Variants in ZNF438 observed in about 807,000 individuals in gnomAD.
ZNF438 encodes zinc finger protein 438.
Under a neutral mutation model 38.0 loss-of-function variants are expected in ZNF438, and 25 were observed. That is an observed-to-expected ratio of 0.66 (90% CI 0.48 to 0.92). The LOEUF is 0.92. ZNF438 is among the 40% of genes least tolerant of loss of function. ZNF438 has a pLI of 0.00. For missense variants in ZNF438, 1,007 were observed against 999.6 expected (o/e 1.01, Z -0.10); for synonymous variants, 372 against 364.1 (o/e 1.02, Z -0.25).
chr10:30,848,702 C>G, exon 5 of ZNF438: 1 of 1,614,246 alleles, frequency 6.2e-7, no homozygotes, highest in Non-Finnish European at 8.5e-7. Flanking sequence ...AAACTCACAA[C>G]ACATGAGTTT....
rs186750204 is a variant in ZNF438 at position 30,882,920 on chromosome 10, T to G, written c.-31-5855A>C. Among the ~76,000 whole-genome samples the G allele has an allele frequency of 8.9e-3, 1,358 of 152,230 alleles. 21 individuals are homozygous for G. The highest frequency in any genetic ancestry group is 0.03 in the African/African-American group (1,255 of 41,548). On this transcript the variant is annotated intron_variant, in intron 3 of 5. Coordinates refer to ENST00000413025, the Ensembl canonical transcript of ZNF438. ...AAATATTGGGAAAAAATTTAAAAAT[T>G]CTAATAGACATACAGACATACATTT...
At chr10:30,915,210 TA>T (rs2043483241) in intron 2 of ZNF438, among the ~76,000 whole-genome samples, 1 of 152,028 alleles carries the variant, frequency 6.6e-6, no homozygotes, top group Non-Finnish European at 1.5e-5. Context: ...AGATAGAAAA[TA>T]AATCATACTA....
At chr10:30,925,328 T>G (rs761867016) in intron 2 of ZNF438, among the ~76,000 whole-genome samples, 7 of 152,210 alleles carry the variant, frequency 4.6e-5, no homozygotes, top group Non-Finnish European at 1.0e-4. Flanking sequence ...TTAATTTCAC[T>G]GAATAATCTG....
chr10:30,923,987 G>A (rs1260657766), intron 2 of ZNF438, among the ~76,000 whole-genome samples: 1 of 152,152 alleles, frequency 6.6e-6, no homozygotes, highest in Non-Finnish European at 1.5e-5. Flanking sequence ...ATAAAAGTTT[G>A]TAACTTCTCA....
At chr10:30,867,786 G>C (rs988851265) in intron 4 of ZNF438, among the ~76,000 whole-genome samples, 3 of 152,094 alleles carry the variant, frequency 2.0e-5, no homozygotes, top group Admixed American at 6.6e-5. Flanking sequence ...AGATCAATAG[G>C]AGAGAGTTTT....
chr10:30,925,505 T>C (rs1303677328), intron 2 of ZNF438, among the ~76,000 whole-genome samples: 1 of 152,242 alleles, frequency 6.6e-6, no homozygotes, highest in African/African-American at 2.4e-5. Context: ...TATAGTATTA[T>C]GTTATTAAAA....
chr10:30,882,287 T>C (rs1033018809), intron 3 of ZNF438, among the ~76,000 whole-genome samples: 3 of 152,092 alleles, frequency 2.0e-5, no homozygotes, highest in African/African-American at 4.8e-5. Flanking sequence ...AATAAGAACA[T>C]AAGAAGATGT....
chr10:30,998,873 A>G (rs2054348213), intron 1 of ZNF438, among the ~76,000 whole-genome samples: 2 of 152,178 alleles, frequency 1.3e-5, no homozygotes, highest in South Asian at 4.1e-4. Context: ...TTTGAAAACT[A>G]AACAATTTAT....
chr10:30,913,721 T>C (rs1287937337), intron 2 of ZNF438, among the ~76,000 whole-genome samples: 1 of 152,092 alleles, frequency 6.6e-6, no homozygotes, highest in Non-Finnish European at 1.5e-5. Flanking sequence ...CAATAGGTTA[T>C]ATGAAGAGAA....
intron 4 of ZNF438, among the ~76,000 whole-genome samples, chr10:30,866,014 C>T (rs899498047): frequency 6.6e-6 from 1 of 152,186 alleles, no homozygotes; most frequent in Admixed American, 6.5e-5. Flanking sequence ...TAAAACTTCT[C>T]TAGCAACTTA....
At chr10:30,868,344 T>G (rs747424485) in intron 4 of ZNF438, among the ~76,000 whole-genome samples, 5 of 152,220 alleles carry the variant, frequency 3.3e-5, no homozygotes, top group Admixed American at 6.5e-5. Context: ...GTGCTGGGAT[T>G]ACAGGTGTGA....
intron 4 of ZNF438, among the ~76,000 whole-genome samples, chr10:30,861,980 C>G (rs2035660538): frequency 6.6e-6 from 1 of 152,128 alleles, no homozygotes; most frequent in Admixed American, 6.5e-5. Flanking sequence ...CTTTGTTAAC[C>G]CCATTCTCTC....
At chr10:30,945,134 A>G (rs1451974763) in intron 1 of ZNF438, among the ~76,000 whole-genome samples, 1 of 151,830 alleles carries the variant, frequency 6.6e-6, no homozygotes, top group East Asian at 1.9e-4. Context: ...AACTAACTGT[A>G]ATAGCTTTAT....
At chr10:31,017,080 C>T (rs2056251872) in intron 1 of ZNF438, among the ~76,000 whole-genome samples, 1 of 152,178 alleles carries the variant, frequency 6.6e-6, no homozygotes, top group African/African-American at 2.4e-5. Context: ...ACACAAAATA[C>T]AACTGTGGAA....
At chr10:30,848,443 A>C in intron 5 of ZNF438, 88 bp downstream of exon 6, 1 of 1,458,192 alleles carries the variant, frequency 6.9e-7, no homozygotes, top group Non-Finnish European at 9.2e-7. Context: ...GATGTTTTAT[A>C]AACTCTCCTT....
At chr10:30,975,166 C>T (rs527660792) in intron 1 of ZNF438, among the ~76,000 whole-genome samples, 240 of 152,272 alleles carry the variant, frequency 1.6e-3, no homozygotes, top group Non-Finnish European at 2.3e-3. Context: ...CAGAGTTCTT[C>T]CTTCCCCACT....
At chr10:30,920,939 G>A (rs2044227723) in intron 2 of ZNF438, 1 of 152,100 alleles carries the variant, frequency 6.6e-6, no homozygotes, top group South Asian at 2.1e-4. Flanking sequence ...AAGTGGCAGG[G>A]GTGTTATATT....
chr10:31,006,209 T>C (rs2055111276), intron 1 of ZNF438, among the ~76,000 whole-genome samples: 1 of 152,196 alleles, frequency 6.6e-6, no homozygotes, highest in East Asian at 1.9e-4. Flanking sequence ...AGCTTCAGGA[T>C]GGAGGCTGGA....
chr10:30,950,141 A>G (rs1373171145), intron 1 of ZNF438, among the ~76,000 whole-genome samples: 4 of 149,930 alleles, frequency 2.7e-5, no homozygotes, highest in Non-Finnish European at 4.5e-5. Context: ...CCTGCTCCTG[A>G]ATGACTACTG....
Sources: gnomAD v4.1 joint callset for allele counts (sites outside exome capture counted in the v4.1 genomes callset) on GRCh38, gnomAD v4.1.1 for gene constraint, MANE v1.5 for transcripts, NCBI Gene and HGNC (gene_info 2026-07-23, HGNC 2026-07-21) for gene names.